Variants in AGBL4 observed in about 807,000 individuals in gnomAD.
AGBL4 encodes cytosolic carboxypeptidase 6.
AGBL4 carries 58 observed loss-of-function variants against 66.4 expected under a neutral mutation model. The observed-to-expected ratio is 0.87, with a 90% confidence interval of 0.71 to 1.09. The LOEUF (loss-of-function observed/expected upper bound fraction) is 1.09. Among genes scored for constraint, AGBL4 ranks in the 50% least tolerant of loss-of-function variants. The pLI, the probability that AGBL4 is intolerant of heterozygous loss-of-function variation, is 0.00. For synonymous variants in AGBL4, 234 were observed against 222.9 expected (o/e 1.05, Z -0.44); for missense variants, 579 against 631.0 (o/e 0.92, Z 0.88).
intron 6 of AGBL4, among the ~76,000 whole-genome samples, chr1:48,767,470 G>A (rs971973427): frequency 6.6e-6 from 1 of 152,192 alleles, no homozygotes; most frequent in Non-Finnish European, 1.5e-5. Context: ...ATGTGACAGT[G>A]GCAAGCAAGA....
At chr1:49,825,346 A>G (rs920070275) in intron 2 of AGBL4, among the ~76,000 whole-genome samples, 1 of 152,232 alleles carries the variant, frequency 6.6e-6, no homozygotes, top group Non-Finnish European at 1.5e-5. Context: ...GGGACAAAAA[A>G]TTTATGTTGT....
downstream of AGBL4, among the ~76,000 whole-genome samples, chr1:48,529,777 A>G (rs925411081): frequency 2.6e-5 from 4 of 152,142 alleles, no homozygotes; most frequent in African/African-American, 9.7e-5. Context: ...CCAGTAACCC[A>G]GAGAGTGTCA....
Position 48,856,999 on chromosome 1 carries a change from G to C in AGBL4, c.634+10192C>G, listed in dbSNP as rs113658811. ...AGCAGTGAAAAAGACAAAGGATTTAGAATACGATTTAGATTTGAATCCTGA... is the reference window on the plus strand; with the variant it reads ...AGCAGTGAAAAAGACAAAGGATTTACAATACGATTTAGATTTGAATCCTGA... On this transcript the variant is annotated intron_variant, in intron 6 of 13. Transcript: ENST00000371839. Among the ~76,000 whole-genome samples the C allele has an allele frequency of 1.5e-3, 235 of 152,272 alleles. 4 individuals carry two copies. Among genetic ancestry groups the C allele is most frequent in the African/African-American group, 5.5e-3 (228 of 41,574 alleles).
chr1:48,919,087 G>C (rs989289141), intron 5 of AGBL4, among the ~76,000 whole-genome samples: 2 of 152,184 alleles, frequency 1.3e-5, no homozygotes. Flanking sequence ...TAGTCACAGA[G>C]GCATTCTTTG....
intron 1 of AGBL4, among the ~76,000 whole-genome samples, chr1:49,950,173 TACATATGTATATAC>T (rs1252736002): frequency 5.5e-5 from 8 of 146,206 alleles, no homozygotes; most frequent in African/African-American, 2.0e-4. Context: ...CATATATATA[TACATATGTATATAC>T]ACATATGTAT....
chr1:49,895,985 G>A (rs1320819652), intron 1 of AGBL4, among the ~76,000 whole-genome samples: 1 of 144,708 alleles, frequency 6.9e-6, no homozygotes, highest in African/African-American at 2.5e-5. Flanking sequence ...TTGCCTACAA[G>A]AAACACACTT....
chr1:49,331,970 A>T (rs983315384), intron 3 of AGBL4, among the ~76,000 whole-genome samples: 1 of 152,106 alleles, frequency 6.6e-6, no homozygotes, highest in Non-Finnish European at 1.5e-5. Flanking sequence ...TGTTTGGGCG[A>T]CTCAGCCATT....
At chr1:48,607,145 T>TA (rs1470900168) in intron 9 of AGBL4, among the ~76,000 whole-genome samples, 2 of 152,198 alleles carry the variant, frequency 1.3e-5, no homozygotes, top group African/African-American at 4.8e-5. Flanking sequence ...CAGGTGTAAT[T>TA]AAAAATGAGG....
At chr1:49,563,629 T>C (rs2148858194) in intron 3 of AGBL4, among the ~76,000 whole-genome samples, 1 of 152,334 alleles carries the variant, frequency 6.6e-6, no homozygotes, top group African/African-American at 2.4e-5. Flanking sequence ...TTTCATATGT[T>C]GAACCAGCCT....
At chr1:49,085,281 T>TCAC (rs1644885480) in intron 4 of AGBL4, among the ~76,000 whole-genome samples, 1 of 151,538 alleles carries the variant, frequency 6.6e-6, no homozygotes, top group South Asian at 2.1e-4. Flanking sequence ...ATCATCATCA[T>TCAC]CATCATCATC....
At chr1:48,648,914 C>A (rs1645881816) in intron 8 of AGBL4, among the ~76,000 whole-genome samples, 1 of 152,192 alleles carries the variant, frequency 6.6e-6, no homozygotes, top group African/African-American at 2.4e-5. Context: ...AGGTAAAGGG[C>A]TGGGGGCTGA....
At chr1:48,797,536 G>C (rs1645714552) in intron 6 of AGBL4, among the ~76,000 whole-genome samples, 1 of 152,136 alleles carries the variant, frequency 6.6e-6, no homozygotes, top group African/African-American at 2.4e-5. Flanking sequence ...CCAGGTTGCT[G>C]TCAATGCCAT....
intron 4 of AGBL4, among the ~76,000 whole-genome samples, chr1:49,153,807 T>C (rs1299059857): frequency 6.6e-6 from 1 of 152,046 alleles, no homozygotes; most frequent in Non-Finnish European, 1.5e-5. Flanking sequence ...TATAATTATG[T>C]AGATACATTT....
chr1:49,340,652 C>T (rs1311565100), intron 3 of AGBL4, among the ~76,000 whole-genome samples: 2 of 152,044 alleles, frequency 1.3e-5, no homozygotes, highest in Non-Finnish European at 2.9e-5. Flanking sequence ...AATGGATGCC[C>T]AAAGATATTT....
At chr1:49,287,573 C>G (rs1259637695) in intron 3 of AGBL4, among the ~76,000 whole-genome samples, 1 of 152,186 alleles carries the variant, frequency 6.6e-6, no homozygotes, top group East Asian at 1.9e-4. Context: ...AGACACTTCT[C>G]AAAAGAAGAC....
At chr1:48,733,361 A>G (rs1413669227) in intron 6 of AGBL4, among the ~76,000 whole-genome samples, 1 of 152,224 alleles carries the variant, frequency 6.6e-6, no homozygotes, top group African/African-American at 2.4e-5. Flanking sequence ...CCTTTGGGAC[A>G]GGAGGCAGGA....
chr1:49,747,331 T>G (rs946677710), intron 2 of AGBL4, among the ~76,000 whole-genome samples: 1 of 152,116 alleles, frequency 6.6e-6, no homozygotes, highest in African/African-American at 2.4e-5. Flanking sequence ...CAGCCCTACC[T>G]CCACGAAATT....
chr1:49,270,045 A>G (rs1256178611), intron 3 of AGBL4, among the ~76,000 whole-genome samples: 2 of 152,184 alleles, frequency 1.3e-5, no homozygotes, highest in African/African-American at 4.8e-5. Flanking sequence ...GGTCAAGCAG[A>G]TGGTAAAAAA....
chr1:49,409,527 G>C (rs989553034), intron 3 of AGBL4, among the ~76,000 whole-genome samples: 1 of 152,064 alleles, frequency 6.6e-6, no homozygotes, highest in African/African-American at 2.4e-5. Context: ...CCTTAAAGAA[G>C]GCACAGCTGA....
Sources: allele counts gnomAD v4.1 joint callset (sites outside exome capture counted in the v4.1 genomes callset), GRCh38; gene constraint gnomAD v4.1.1; transcripts MANE v1.5; gene names NCBI Gene and HGNC (gene_info 2026-07-23, HGNC 2026-07-21).